Variants in BDP1 observed in about 807,000 individuals in gnomAD.
The protein encoded by BDP1 is transcription factor TFIIIB component B'' homolog.
Under a neutral mutation model 266.6 loss-of-function variants are expected in BDP1, and 169 were observed. The ratio of observed to expected loss-of-function variants is 0.63; its 90% CI spans 0.56 to 0.72. BDP1 has a LOEUF of 0.72. Ranked by LOEUF, BDP1 falls within the 30% of genes least tolerant of loss-of-function variation. BDP1 has a pLI of 0.00. For synonymous variants in BDP1, 1,090 were observed against 1,022.4 expected (o/e 1.07, Z -1.26); for missense variants, 3,015 against 3,053.8 (o/e 0.99, Z 0.30).
chr5:71,493,549 A>T (rs1482146909), intron 11 of BDP1, among the ~76,000 whole-genome samples: 1 of 152,212 alleles, frequency 6.6e-6, no homozygotes, highest in Non-Finnish European at 1.5e-5. Context: ...ATTTAGGGGA[A>T]AAACAACCTT....
At chr5:71,465,752 G>A (rs966108874) in intron 4 of BDP1, among the ~76,000 whole-genome samples, 16 of 151,970 alleles carry the variant, frequency 1.1e-4, no homozygotes, top group South Asian at 4.2e-4. Flanking sequence ...GTGGAGGTGC[G>A]CGCCTGTAAT....
the BDP1 span, among the ~76,000 whole-genome samples, chr5:71,576,195 A>G: frequency 6.6e-6 from 1 of 152,162 alleles, no homozygotes; most frequent in East Asian, 1.9e-4. Flanking sequence ...GCAAAAACAT[A>G]TTGGGCATAT....
chr5:71,575,168 C>T, the BDP1 span, among the ~76,000 whole-genome samples: 2 of 152,186 alleles, frequency 1.3e-5, no homozygotes, highest in African/African-American at 4.8e-5. Flanking sequence ...TTTGATAACC[C>T]AGGATTTAAA....
In BDP1 at chr5:71,560,378, G is replaced by C. The variant is rs551236543; in HGVS notation, c.7496+141G>C. The C allele has an allele frequency of 4.7e-4, 448 of 960,540 alleles. 2 individuals carry two copies. The highest frequency in any genetic ancestry group is 6.2e-4 in the Non-Finnish European group (423 of 677,586). The allele number at this position is 960,540 out of a possible 1,614,324, so 59.5% of individuals were successfully genotyped here. ...CAGTAATGTAAAGGAAAAAGTTTCAGCCAAGGAAATACAGTAATATTGCAG... is the reference window on the plus strand; with the variant it reads ...CAGTAATGTAAAGGAAAAAGTTTCACCCAAGGAAATACAGTAATATTGCAG... On this transcript the variant is annotated intron_variant, in intron 37 of 38. Coordinates refer to ENST00000358731, the MANE Select transcript of BDP1 (RefSeq NM_018429.3).
chr5:71,526,615 C>CAAAAA (rs752124588), intron 25 of BDP1, among the ~76,000 whole-genome samples: 27 of 49,778 alleles, frequency 5.4e-4, no homozygotes, highest in South Asian at 1.2e-3. Context: ...GACTCTATCT[C>CAAAAA]AAAAAAAAAA....
In BDP1 at chr5:71,516,195, G is replaced by A. The variant is rs1196966016; in HGVS notation, c.4784G>A (p.Gly1595Asp). The change falls in exon 21 of 39, where the codon GGT (glycine) becomes GAT (aspartate). Residue 1595 changes from glycine (G) to aspartate (D), a missense_variant. Coordinates refer to ENST00000358731, the MANE Select transcript of BDP1 (RefSeq NM_018429.3). Reference protein sequence around the residue: ...KTGQRQIVDKGEAKGIIKEGR... With the variant: ...KTGQRQIVDKDEAKGIIKEGR... ...GGACAGAGGCAAATAGTAGACAAAGGTGAAGCCAAAGGCATAATTAAGGAA... is the reference window on the plus strand; with the variant it reads ...GGACAGAGGCAAATAGTAGACAAAGATGAAGCCAAAGGCATAATTAAGGAA... 2 of 1,613,346 alleles carry A rather than the reference G, an allele frequency of 1.2e-6. No individual in the cohort carries two copies. The highest frequency in any genetic ancestry group is 1.7e-6 in the Non-Finnish European group (2 of 1,179,656).
At chr5:71,504,272 C>CAAA (rs35372314) in intron 15 of BDP1, among the ~76,000 whole-genome samples, 2 of 112,030 alleles carry the variant, frequency 1.8e-5, no homozygotes, top group Admixed American at 1.0e-4. Flanking sequence ...GACTCCGTCT[C>CAAA]AAAAAAAAAA....
At chr5:71,560,491 A>G (rs1470436964) in intron 37 of BDP1, among the ~76,000 whole-genome samples, 3 of 152,166 alleles carry the variant, frequency 2.0e-5, no homozygotes, top group African/African-American at 7.2e-5. Flanking sequence ...ATTTTTTTAG[A>G]TTATCCATGG....
In BDP1 at chr5:71,458,804, C is replaced by A; in HGVS notation, c.438C>A (p.Tyr146Ter). The A allele has an allele frequency of 6.2e-7, 1 of 1,613,828 alleles. No homozygotes were observed. The change falls in exon 2 of 39, where the codon TAC (tyrosine) becomes TAA (stop). Residue 146 changes from tyrosine to a stop codon, truncating the protein, a stop_gained. Transcript: ENST00000358731. LOFTEE classifies it high-confidence loss of function. ...CATGCTCAGACAGATACCGAATATACAAAGCCCAGAAACTGAGGGAAATGT... is the reference window on the plus strand; with the variant it reads ...CATGCTCAGACAGATACCGAATATAAAAAGCCCAGAAACTGAGGGAAATGT... ...KQPCSDRYRI[Y>*]KAQKLREMLK...
intron 4 of BDP1, among the ~76,000 whole-genome samples, chr5:71,464,321 T>C (rs1761763958): frequency 6.6e-6 from 1 of 151,906 alleles, no homozygotes; most frequent in African/African-American, 2.4e-5. Context: ...ATAGTGACAT[T>C]TTGTCTCTAC....
At chr5:71,494,546 T>C (rs1339421062) in intron 11 of BDP1, 1 of 152,244 alleles carries the variant, frequency 6.6e-6, no homozygotes, top group Non-Finnish European at 1.5e-5. Context: ...CTATGTTAAC[T>C]CAACTTGAGC....
chr5:71,544,907 G>GAAT (rs1554125852), intron 31 of BDP1, 132 bp from the exon 32 acceptor site: 30 of 254,122 alleles, frequency 1.2e-4, no homozygotes, highest in East Asian at 2.3e-4. Flanking sequence ...AAAAAAAAAA[G>GAAT]TCCTATTGCA....
intron 3 of BDP1, among the ~76,000 whole-genome samples, chr5:71,462,752 C>A (rs1028984008): frequency 6.6e-6 from 1 of 151,836 alleles, no homozygotes; most frequent in African/African-American, 2.4e-5. Context: ...AGAGCGAGAT[C>A]CTGTCTCAAA....
chr5:71,561,688 C>T (rs1422455525), intron 37 of BDP1, among the ~76,000 whole-genome samples: 1 of 152,158 alleles, frequency 6.6e-6, no homozygotes, highest in Non-Finnish European at 1.5e-5. Flanking sequence ...ACTGTGCTGA[C>T]CACTGTTCCA....
rs117869284 is a variant in BDP1 at position 71,508,109 on chromosome 5, C to T, written c.2373-1356C>T. On this transcript the variant is annotated intron_variant, in intron 16 of 38. Transcript: ENST00000358731. ...CCTCCCATGTAGCTGAGATTACAGG[C>T]GCGTGCCACCACGCCCTGCTAATTT... is the stretch of plus-strand genomic sequence containing the variant. Among the ~76,000 whole-genome samples, 205 of 151,928 alleles carry T rather than the reference C, an allele frequency of 1.3e-3. 6 individuals carry two copies. The East Asian group carries it at 0.038, about 28-fold the overall frequency.
At chr5:71,529,425 C>T (rs965747123) in intron 25 of BDP1, among the ~76,000 whole-genome samples, 2 of 152,160 alleles carry the variant, frequency 1.3e-5, no homozygotes, top group Admixed American at 1.3e-4. Context: ...GGCATGGTGG[C>T]TCATGTCTGT....
intron 35 of BDP1, among the ~76,000 whole-genome samples, chr5:71,556,630 G>A (rs1743234646): frequency 6.6e-6 from 1 of 152,028 alleles, no homozygotes; most frequent in Admixed American, 6.6e-5. Context: ...TGTGCTGCTT[G>A]TACTATTTCT....
rs773312809 is a variant in BDP1 at position 71,461,866 on chromosome 5, A to C, written c.539A>C (p.Asp180Ala). 3.1e-6 allele frequency: 5 copies of C among 1,609,668 alleles called. No individual in the cohort carries two copies. Among genetic ancestry groups the C allele is most frequent in the Non-Finnish European group, 4.2e-6 (5 of 1,177,234 alleles). Residue 180 changes from aspartate to alanine, a missense_variant, in exon 3 of 39, where the codon GAT becomes GCT. Physicochemically the swap from Asp to Ala is moderately radical, Grantham distance 126. Coordinates refer to ENST00000358731, the MANE Select transcript of BDP1 (RefSeq NM_018429.3). Reference protein sequence around the residue: ...YAINESQRPPDRSKMTMRDFI... With the variant: ...YAINESQRPPARSKMTMRDFI... ...ATAAATGAAAGTCAGAGGCCACCAG[A>C]TCGTTCAAAAATGACTATGAGAGAC...
intron 17 of BDP1, 95 bp downstream of exon 17, chr5:71,511,246 C>G (rs421128): frequency 1.6e-6 from 2 of 1,215,932 alleles, no homozygotes; most frequent in African/African-American, 1.5e-5. Flanking sequence ...TCCAACAACA[C>G]TTAAAAATCT....
Sources: allele counts gnomAD v4.1 joint callset (sites outside exome capture counted in the v4.1 genomes callset), GRCh38; gene constraint gnomAD v4.1.1; transcripts MANE v1.5; gene names NCBI Gene and HGNC (gene_info 2026-07-23, HGNC 2026-07-21).